Variants in PDE4D observed in about 807,000 individuals in gnomAD.
PDE4D encodes the protein 3',5'-cyclic-AMP phosphodiesterase 4D.
A neutral mutation model predicts 87.4 loss-of-function variants in PDE4D; 24 were observed. That is an observed-to-expected ratio of 0.27 (90% CI 0.20 to 0.39). The LOEUF (loss-of-function observed/expected upper bound fraction) is 0.39, where lower values mean the gene tolerates loss of function less well. Among genes scored for constraint, PDE4D ranks in the 10% least tolerant of loss-of-function variants. The pLI is 1.00. For synonymous variants in PDE4D, 384 were observed against 383.2 expected (o/e 1.00, Z -0.02); for missense variants, 714 against 1,041.0 (o/e 0.69, Z 4.32).
intron 1 of PDE4D, among the ~76,000 whole-genome samples, chr5:60,375,218 A>G (rs1364428629): frequency 1.3e-5 from 2 of 152,130 alleles, no homozygotes; most frequent in East Asian, 3.9e-4. Context: ...ATCAGGGTAA[A>G]TTTTTGTTTA....
intron 2 of PDE4D, among the ~76,000 whole-genome samples, chr5:60,146,751 T>G (rs928215820): frequency 1.3e-5 from 2 of 152,200 alleles, no homozygotes; most frequent in African/African-American, 2.4e-5. Flanking sequence ...GATATGAAGT[T>G]AATATTCAAA....
chr5:60,444,244 C>A (rs1412436804), intron 1 of PDE4D, among the ~76,000 whole-genome samples: 2 of 152,126 alleles, frequency 1.3e-5, no homozygotes, highest in African/African-American at 4.8e-5. Flanking sequence ...GGTCCCTTCA[C>A]CTCTAACAGC....
At chr5:60,381,195 C>T (rs1181152918) in intron 1 of PDE4D, among the ~76,000 whole-genome samples, 1 of 152,116 alleles carries the variant, frequency 6.6e-6, no homozygotes, top group Admixed American at 6.5e-5. Context: ...GAGCTGAAGT[C>T]TGAGTAGCTG....
At chr5:59,922,063 G>A (rs944336618) in intron 3 of PDE4D, among the ~76,000 whole-genome samples, 2 of 152,072 alleles carry the variant, frequency 1.3e-5, no homozygotes, top group African/African-American at 4.8e-5. Flanking sequence ...GCAGCGACTG[G>A]GGGACTTTGC....
chr5:59,971,834 G>C (rs921003699), intron 3 of PDE4D, among the ~76,000 whole-genome samples: 2 of 152,158 alleles, frequency 1.3e-5, no homozygotes, highest in Non-Finnish European at 2.9e-5. Flanking sequence ...GTGATCAAGG[G>C]CTGTGATTTG....
chr5:59,398,397 T>G (rs62355542), intron 1 of PDE4D, among the ~76,000 whole-genome samples: 47,202 of 130,186 alleles, frequency 0.36, 8,244 homozygotes, highest in African/African-American at 0.41. Context: ...CAAGTGGGCT[T>G]CATCCCTGGG....
intron 2 of PDE4D, among the ~76,000 whole-genome samples, chr5:60,116,157 T>C (rs1446694212): frequency 3.3e-5 from 5 of 152,002 alleles, no homozygotes; most frequent in Non-Finnish European, 7.4e-5. Context: ...TTCAAGTCTA[T>C]GGGAGGGCAA....
chr5:59,879,195 C>A (rs1056254461), intron 1 of PDE4D, among the ~76,000 whole-genome samples: 1 of 152,088 alleles, frequency 6.6e-6, no homozygotes, highest in South Asian at 2.1e-4. Flanking sequence ...CCACCGCGCC[C>A]GGCCCTACCA....
chr5:59,086,614 T>G (rs909860348), intron 5 of PDE4D, among the ~76,000 whole-genome samples: 15 of 152,156 alleles, frequency 9.9e-5, no homozygotes, highest in Non-Finnish European at 1.9e-4. Context: ...CTCTTCCACA[T>G]TCCATAAATT....
At chr5:59,930,367 G>A (rs1236133494) in intron 3 of PDE4D, among the ~76,000 whole-genome samples, 1 of 152,018 alleles carries the variant, frequency 6.6e-6, no homozygotes, top group African/African-American at 2.4e-5. Context: ...GAGAATCAGA[G>A]AGAGAAAAAG....
intron 1 of PDE4D, among the ~76,000 whole-genome samples, chr5:59,838,368 T>C (rs1742468670): frequency 6.6e-6 from 1 of 152,062 alleles, no homozygotes; most frequent in Non-Finnish European, 1.5e-5. Context: ...CCAAATTTCT[T>C]TCATATCCCC....
chr5:60,388,665 T>C (rs1762363755), intron 1 of PDE4D, among the ~76,000 whole-genome samples: 1 of 152,190 alleles, frequency 6.6e-6, no homozygotes. Context: ...GGACAGGATC[T>C]GGAATGAGGG....
chr5:60,468,736 G>A (rs1417931949), intron 1 of PDE4D, among the ~76,000 whole-genome samples: 1 of 151,706 alleles, frequency 6.6e-6, no homozygotes, highest in African/African-American at 2.4e-5. Context: ...ATGTTGCCCA[G>A]GCTGATCTTG....
In PDE4D at chr5:60,054,523, G is replaced by A. The variant is rs144868529; in HGVS notation, c.43-65806C>T. The stretch of plus-strand genomic sequence containing the variant: ...AGGGAGGGGAACATCACACACCAGG[G>A]CCTGTCGGTGGGTGGAGACTAGGGG... On this transcript the variant is annotated intron_variant, in intron 2 of 16. Coordinates refer to the PDE4D transcript ENST00000502484. Among the ~76,000 whole-genome samples the A allele has an allele frequency of 2.1e-3, 322 of 152,176 alleles. 1 individual carries two copies. The highest frequency in any genetic ancestry group is 3.6e-3 in the Non-Finnish European group (248 of 68,012).
chr5:59,646,788 C>A (rs1453626728), intron 1 of PDE4D, among the ~76,000 whole-genome samples: 1 of 152,104 alleles, frequency 6.6e-6, no homozygotes, highest in Non-Finnish European at 1.5e-5. Context: ...GTAATTCCAG[C>A]ACTTTGGGAG....
At chr5:59,250,922 T>G (rs754037936) in intron 1 of PDE4D, among the ~76,000 whole-genome samples, 1 of 152,072 alleles carries the variant, frequency 6.6e-6, no homozygotes, top group Admixed American at 6.6e-5. Flanking sequence ...AGAAAAGCAA[T>G]GGAGAAAACA....
chr5:59,865,389 G>A (rs1746865043), intron 1 of PDE4D, among the ~76,000 whole-genome samples: 1 of 152,082 alleles, frequency 6.6e-6, no homozygotes, highest in South Asian at 2.1e-4. Context: ...AGATTTTCAG[G>A]ATTAAATCCC....
chr5:59,232,305 A>T (rs557605090), intron 1 of PDE4D, among the ~76,000 whole-genome samples: 2 of 152,170 alleles, frequency 1.3e-5, no homozygotes, highest in Non-Finnish European at 2.9e-5. Flanking sequence ...TATGCCAAGA[A>T]CTCAAGTTAA....
intron 1 of PDE4D, among the ~76,000 whole-genome samples, chr5:59,470,842 A>G (rs1158161530): frequency 6.6e-6 from 1 of 152,112 alleles, no homozygotes; most frequent in Non-Finnish European, 1.5e-5. Flanking sequence ...GTTTTTTCCT[A>G]AGGTGCTCCA....
Sources: gnomAD v4.1 joint callset for allele counts (sites outside exome capture counted in the v4.1 genomes callset) on GRCh38, gnomAD v4.1.1 for gene constraint, MANE v1.5 for transcripts, NCBI Gene and HGNC (gene_info 2026-07-23, HGNC 2026-07-21) for gene names.